Variants in KLF17 observed in about 807,000 individuals in gnomAD.
KLF17 encodes the protein KLF transcription factor 17.
Under a neutral mutation model 34.2 loss-of-function variants are expected in KLF17, and 31 were observed. The observed-to-expected ratio is 0.91, with a 90% CI of 0.68 to 1.22. KLF17 has a LOEUF of 1.22. KLF17 is among the 50% of genes most tolerant of loss of function. The pLI is 0.00. For synonymous variants in KLF17, 179 were observed against 186.7 expected (o/e 0.96, Z 0.34); for missense variants, 478 against 505.2 (o/e 0.95, Z 0.52).
At chr1:44,085,506 A>G in the KLF17 span, among the ~76,000 whole-genome samples, 9 of 152,074 alleles carry the variant, frequency 5.9e-5, no homozygotes, top group African/African-American at 1.9e-4. Context: ...CCATTAAGAA[A>G]GAGAAGTTGG....
At chr1:44,103,462 A>AG in the KLF17 span, 39 of 848,186 alleles carry the variant, frequency 4.6e-5, no homozygotes, top group Non-Finnish European at 7.3e-5. Flanking sequence ...CCCAGACCGT[A>AG]GCTGAGGCCG....
the KLF17 span, among the ~76,000 whole-genome samples, chr1:44,089,648 T>C: frequency 1.3e-5 from 2 of 152,168 alleles, no homozygotes; most frequent in Non-Finnish European, 1.5e-5. Flanking sequence ...GTATTTTATT[T>C]TGCAAACATA....
chr1:44,050,368 A>AT, the KLF17 span, among the ~76,000 whole-genome samples: 1 of 152,234 alleles, frequency 6.6e-6, no homozygotes, highest in Non-Finnish European at 1.5e-5. Flanking sequence ...GACCAGTGCC[A>AT]TGTCAGTTTA....
Position 44,133,300 on chromosome 1 carries a change from G to A in KLF17, c.*63G>A, listed in dbSNP as rs2088133646. On this transcript the variant is annotated 3_prime_UTR_variant, in exon 4 of 4. Transcript: ENST00000372299. ...CTGGACGTGGCAACTGTTCAGAGGA[G>A]AGGCAGTCTTCAAGTTCTACATTCA... 1 of 152,294 alleles carries A rather than the reference G, an allele frequency of 6.6e-6. No individual in the cohort carries two copies. Among genetic ancestry groups the A allele is most frequent in the Admixed American group, 6.5e-5 (1 of 15,286 alleles). 9.4% of individuals were successfully genotyped at this position (152,294 alleles called of 1,614,324 possible).
At chr1:44,072,971 A>C in the KLF17 span, among the ~76,000 whole-genome samples, 1 of 152,264 alleles carries the variant, frequency 6.6e-6, no homozygotes, top group African/African-American at 2.4e-5. Flanking sequence ...GAGGTCTGGG[A>C]ATTGAGTGAA....
At chr1:44,083,084 G>T in the KLF17 span, among the ~76,000 whole-genome samples, 5 of 151,696 alleles carry the variant, frequency 3.3e-5, no homozygotes, top group Non-Finnish European at 4.4e-5. Flanking sequence ...TAGGACTACG[G>T]GGCATGCCAC....
At chr1:44,049,891 C>A in the KLF17 span, among the ~76,000 whole-genome samples, 1 of 152,144 alleles carries the variant, frequency 6.6e-6, no homozygotes, top group African/African-American at 2.4e-5. Flanking sequence ...ATAATTTATC[C>A]ATTTTAGCTT....
the KLF17 span, among the ~76,000 whole-genome samples, chr1:44,072,311 T>C: frequency 6.6e-6 from 1 of 152,058 alleles, no homozygotes; most frequent in Non-Finnish European, 1.5e-5. Flanking sequence ...AGAAATCCAG[T>C]CAGGTCTTAA....
At chr1:44,093,519 C>T in the KLF17 span, among the ~76,000 whole-genome samples, 2 of 152,212 alleles carry the variant, frequency 1.3e-5, no homozygotes, top group Non-Finnish European at 1.5e-5. Context: ...CTCAGCCTCC[C>T]GAGTAGCTGG....
At chr1:44,044,280 G>A in the KLF17 span, among the ~76,000 whole-genome samples, 1 of 152,208 alleles carries the variant, frequency 6.6e-6, no homozygotes, top group African/African-American at 2.4e-5. Flanking sequence ...GAAAGTCTTG[G>A]GGACACAGAT....
chr1:44,086,585 C>G, the KLF17 span, among the ~76,000 whole-genome samples: 4 of 152,098 alleles, frequency 2.6e-5, no homozygotes, highest in Middle Eastern at 3.2e-3. Flanking sequence ...CTTTTTGTTT[C>G]CTGGGTTTTT....
the KLF17 span, among the ~76,000 whole-genome samples, chr1:44,113,086 C>T: frequency 6.6e-6 from 1 of 152,186 alleles, no homozygotes; most frequent in Non-Finnish European, 1.5e-5. Flanking sequence ...TCATAGGTAA[C>T]CTCAAAGTTG....
At position 44,130,839 on chromosome 1, in the gene KLF17, C is replaced by T. The variant is rs2088100743; in HGVS notation, c.*83C>T. 6 of 1,382,944 alleles carry T rather than the reference C, an allele frequency of 4.3e-6. No individual in the cohort carries two copies. The South Asian group carries it at 5.1e-5, about 12-fold the overall frequency. The allele number at this position is 1,382,944 out of a possible 1,614,324, so 85.7% of individuals were successfully genotyped here. A position where few individuals can be genotyped will look rare whatever the true frequency, so the allele number is the denominator to read the frequency against. ...TGAGACGGAGTCTCACTCTGTCTCC[C>T]AGGCTGGAGTGCAGTGGCGCAATTC... On this transcript the variant is annotated intron_variant, in intron 3 of 3. Transcript: ENST00000372299.
chr1:44,090,612 G>A, the KLF17 span, among the ~76,000 whole-genome samples: 3 of 151,974 alleles, frequency 2.0e-5, no homozygotes, highest in African/African-American at 4.8e-5. Flanking sequence ...GAGAAAGTCC[G>A]CCCTAAGAGA....
chr1:44,097,829 A>G, the KLF17 span, among the ~76,000 whole-genome samples: 1 of 152,172 alleles, frequency 6.6e-6, no homozygotes, highest in South Asian at 2.1e-4. Context: ...ACATAAAAGG[A>G]TGTTGAATTT....
At chr1:44,132,719 ACTT>A (rs4030410) in intron 3 of KLF17, among the ~76,000 whole-genome samples, 47,538 of 151,728 alleles carry the variant, frequency 0.31, 7,445 homozygotes, top group South Asian at 0.43. Flanking sequence ...TCTCACTGTA[ACTT>A]CTTCTCCTCC....
the KLF17 span, chr1:44,088,163 G>A: frequency 6.5e-6 from 1 of 152,852 alleles, no homozygotes; most frequent in Non-Finnish European, 1.4e-5. Flanking sequence ...CTGTCACCCA[G>A]GCTGGAGTGC....
chr1:44,129,866 A>G lies in KLF17; in HGVS notation c.595A>G (p.Thr199Ala). ...ATTGTTGGGCCCGACTGTGCCTTCC[A>G]CTGAGGCCCAGGCAGTGCTCCCCTC... ...ETLLGPTVPS[T>A]EAQAVLPSMA... is the part of the protein sequence containing the mutation. Residue 199 changes from threonine to alanine, a missense_variant, in exon 2 of 4, where the codon ACT (threonine) becomes GCT (alanine). By Grantham distance (58) the Thr-to-Ala change is moderately conservative (BLOSUM62 0). Coordinates refer to ENST00000372299, the MANE Select transcript of KLF17 (RefSeq NM_173484.4). 2 of 1,614,052 alleles carry G rather than the reference A, an allele frequency of 1.2e-6. No homozygotes were observed. The highest frequency in any genetic ancestry group is 1.7e-6 in the Non-Finnish European group (2 of 1,180,004).
the KLF17 span, among the ~76,000 whole-genome samples, chr1:44,090,920 A>G: frequency 6.7e-6 from 1 of 149,080 alleles, no homozygotes; most frequent in Non-Finnish European, 1.5e-5. Context: ...CACCACACAC[A>G]CACACATGCA....
Sources: allele counts gnomAD v4.1 joint callset (sites outside exome capture counted in the v4.1 genomes callset), GRCh38; gene constraint gnomAD v4.1.1; transcripts MANE v1.5; gene names NCBI Gene and HGNC (gene_info 2026-07-23, HGNC 2026-07-21).